CIROZ: variants seen among roughly 807,000 people sequenced by gnomAD.
The protein encoded by CIROZ is ciliated left-right organizer protein containing ZP-N domains, also known as ciliated left-right organizer ZP-N domains-containing protein.
chr1:10,974,121 C>T, the CIROZ span, among the ~76,000 whole-genome samples: 1 of 152,068 alleles, frequency 6.6e-6, no homozygotes, highest in African/African-American at 2.4e-5. The surrounding 1 kb of genome is among the most constrained non-coding windows in gnomAD (Gnocchi z 4.4). Flanking sequence ...GGCAGGTCCC[C>T]AGTAAGGCCC....
At chr1:10,965,891 C>T in the CIROZ span, among the ~76,000 whole-genome samples, 5 of 152,098 alleles carry the variant, frequency 3.3e-5, 1 homozygote, top group Middle Eastern at 0.01. Context: ...CACATGGTCT[C>T]GTGAGCCCAT....
chr1:10,977,483 C>T, the CIROZ span, among the ~76,000 whole-genome samples: 1 of 151,858 alleles, frequency 6.6e-6, no homozygotes, highest in South Asian at 2.1e-4. Flanking sequence ...ACTCCATCTC[C>T]AATAAATAAA....
chr1:10,953,670 G>A, the CIROZ span, among the ~76,000 whole-genome samples: 2 of 152,168 alleles, frequency 1.3e-5, no homozygotes, highest in African/African-American at 2.4e-5. Flanking sequence ...ATAGGTACTG[G>A]TATGCCTATT....
the CIROZ span, chr1:10,948,488 A>G: frequency 5.0e-6 from 8 of 1,614,144 alleles, no homozygotes; most frequent in East Asian, 2.2e-5. Flanking sequence ...GGTCCTGTTC[A>G]GGCCTCACAG....
chr1:10,976,018 T>C, the CIROZ span: 23 of 667,662 alleles, frequency 3.4e-5, no homozygotes, highest in Non-Finnish European at 5.8e-5. Context: ...CAGCCTGAAA[T>C]CCACGCTTTG....
chr1:10,971,903 G>A, the CIROZ span, among the ~76,000 whole-genome samples: 1 of 152,172 alleles, frequency 6.6e-6, no homozygotes, highest in Non-Finnish European at 1.5e-5. Flanking sequence ...CTGCCCTGAA[G>A]CTGGAGAATA....
At chr1:10,954,171 A>T in the CIROZ span, 11 of 1,602,996 alleles carry the variant, frequency 6.9e-6, no homozygotes, top group Non-Finnish European at 9.4e-6. Flanking sequence ...TTAGTTGCAC[A>T]TTGGCTGGGC....
the CIROZ span, among the ~76,000 whole-genome samples, chr1:10,959,601 C>G: frequency 6.6e-6 from 1 of 152,264 alleles, no homozygotes; most frequent in Non-Finnish European, 1.5e-5. This position sits in a 1 kb window ranked among gnomAD's most constrained non-coding sequence, Gnocchi z 4.3. Flanking sequence ...CAGACCCCCT[C>G]TCCTACCCAA....
the CIROZ span, among the ~76,000 whole-genome samples, chr1:10,975,670 A>G: frequency 6.6e-6 from 1 of 151,936 alleles, no homozygotes; most frequent in East Asian, 1.9e-4. Context: ...TAAGCGCTCA[A>G]CAAAGACATG....
chr1:10,948,807 G>A, the CIROZ span: 277 of 1,511,976 alleles, frequency 1.8e-4, 2 homozygotes, highest in East Asian at 2.9e-3. Flanking sequence ...GCCTCTTCTC[G>A]CCGGTTTGGC....
the CIROZ span, among the ~76,000 whole-genome samples, chr1:10,953,040 G>A: frequency 6.6e-6 from 1 of 152,296 alleles, no homozygotes; most frequent in East Asian, 1.9e-4. Context: ...AAATTTTCAA[G>A]AAACATTTCC....
chr1:10,960,544 G>A, the CIROZ span, among the ~76,000 whole-genome samples: 4 of 152,238 alleles, frequency 2.6e-5, no homozygotes. The surrounding 1 kb of genome is among the most constrained non-coding windows in gnomAD (Gnocchi z 4.6). Context: ...CCTTCACTGG[G>A]AGCAATCGCT....
At chr1:10,954,116 C>T in the CIROZ span, 37 of 1,612,862 alleles carry the variant, frequency 2.3e-5, no homozygotes, top group Admixed American at 2.2e-4. Flanking sequence ...CTTGTGTTCC[C>T]GGGGTTCCTC....
the CIROZ span, chr1:10,957,715 A>G: frequency 2.5e-6 from 4 of 1,614,100 alleles, no homozygotes; most frequent in Non-Finnish European, 3.4e-6. Flanking sequence ...CTTCAAGAGA[A>G]GCCACCAGCT....
chr1:10,976,989 C>G, the CIROZ span, among the ~76,000 whole-genome samples: 1 of 152,120 alleles, frequency 6.6e-6, no homozygotes. Context: ...GAAACCCTGT[C>G]TCTATTAAAA....
chr1:10,955,844 CAAAA>C, the CIROZ span, among the ~76,000 whole-genome samples: 3 of 98,440 alleles, frequency 3.0e-5, no homozygotes, highest in Admixed American at 1.1e-4. Context: ...AACTCCATCT[CAAAA>C]AAAAAAAAAA....
the CIROZ span, chr1:10,954,983 T>C: frequency 6.3e-7 from 1 of 1,595,032 alleles, no homozygotes; most frequent in South Asian, 1.1e-5. Context: ...TGCCACCGGA[T>C]ACTCACCTGG....
chr1:10,961,453 C>T, the CIROZ span, among the ~76,000 whole-genome samples: 1 of 152,172 alleles, frequency 6.6e-6, no homozygotes, highest in Admixed American at 6.5e-5. Flanking sequence ...GGCAGTGAGC[C>T]GGGCTCAGAG....
At chr1:10,950,087 G>A in the CIROZ span, among the ~76,000 whole-genome samples, 1 of 140,652 alleles carries the variant, frequency 7.1e-6, no homozygotes, top group Admixed American at 7.3e-5. Context: ...AGGCTGGAGT[G>A]TAGTGGTACA....
Sources: allele counts gnomAD v4.1 joint callset (sites outside exome capture counted in the v4.1 genomes callset), GRCh38; gene constraint gnomAD v4.1.1; non-coding constraint Gnocchi (gnomAD v3.1); transcripts MANE v1.5; gene names NCBI Gene and HGNC (gene_info 2026-07-23, HGNC 2026-07-21).